Variants in NELL1 observed in about 807,000 individuals in gnomAD.
NELL1 encodes the protein neural EGFL like 1.
In NELL1, 76 loss-of-function variants were observed where a neutral mutation model predicts 107.4. The observed-to-expected ratio is 0.71, with a 90% CI of 0.59 to 0.86. The LOEUF (loss-of-function observed/expected upper bound fraction) is 0.86. Among genes scored for constraint, NELL1 ranks in the 40% least tolerant of loss-of-function variants. The pLI is 0.00. For synonymous variants in NELL1, 353 were observed against 341.2 expected (o/e 1.03, Z -0.38); for missense variants, 1,024 against 1,005.5 (o/e 1.02, Z -0.25).
intron 5 of NELL1, among the ~76,000 whole-genome samples, chr11:20,890,353 C>T (rs1166516785): frequency 1.3e-5 from 2 of 152,056 alleles, no homozygotes; most frequent in African/African-American, 4.8e-5. Flanking sequence ...AAACCCCATC[C>T]AAAGGTCAGC....
chr11:20,675,032 C>T (rs1290737075), intron 1 of NELL1, among the ~76,000 whole-genome samples: 1 of 152,152 alleles, frequency 6.6e-6, no homozygotes, highest in Non-Finnish European at 1.5e-5. Context: ...TTTGGCTGGG[C>T]TTGGTTTCAA....
intron 13 of NELL1, among the ~76,000 whole-genome samples, chr11:21,162,289 T>G (rs1856390332): frequency 6.6e-6 from 1 of 152,166 alleles, no homozygotes; most frequent in African/African-American, 2.4e-5. Context: ...CTCAGCATTT[T>G]TCTTTGTTTT....
At chr11:21,240,456 C>T (rs796659192) in intron 14 of NELL1, among the ~76,000 whole-genome samples, 15 of 151,988 alleles carry the variant, frequency 9.9e-5, no homozygotes, top group Admixed American at 2.0e-4. Context: ...GAGAAGGTTA[C>T]GCTTAAAGGT....
At chr11:21,259,634 C>T (rs929547079) in intron 14 of NELL1, among the ~76,000 whole-genome samples, 3 of 151,770 alleles carry the variant, frequency 2.0e-5, no homozygotes. Context: ...CCATCTAAAA[C>T]ACAAAAGTGA....
intron 11 of NELL1, among the ~76,000 whole-genome samples, chr11:20,954,506 T>G (rs1190080143): frequency 6.6e-6 from 1 of 152,206 alleles, no homozygotes; most frequent in Non-Finnish European, 1.5e-5. Flanking sequence ...CATAGGTGGT[T>G]TATTGCCCCT....
chr11:21,020,453 T>TTGATC (rs1420077902), intron 12 of NELL1, among the ~76,000 whole-genome samples: 1 of 152,118 alleles, frequency 6.6e-6, no homozygotes, highest in Non-Finnish European at 1.5e-5. Flanking sequence ...TGGCACCAGA[T>TTGATC]TGGAATGATT....
intron 16 of NELL1, among the ~76,000 whole-genome samples, chr11:21,548,672 C>T (rs1856501511): frequency 6.6e-6 from 1 of 151,686 alleles, no homozygotes; most frequent in African/African-American, 2.4e-5. Context: ...AGAGCCAAAC[C>T]ATATCAGAGA....
chr11:21,185,293 C>CTTTTT (rs11446941), intron 13 of NELL1, among the ~76,000 whole-genome samples: 4 of 118,496 alleles, frequency 3.4e-5, no homozygotes, highest in Non-Finnish European at 3.3e-5. Context: ...ATTCCAGTAT[C>CTTTTT]TTTTTTTTTT....
At chr11:20,949,211 T>C (rs1307256340) in intron 11 of NELL1, among the ~76,000 whole-genome samples, 1 of 152,214 alleles carries the variant, frequency 6.6e-6, no homozygotes, top group Non-Finnish European at 1.5e-5. Context: ...ATGTTGTATG[T>C]TTCACCATTG....
chr11:21,021,012 A>AAAACACACACAC (rs376987250), intron 12 of NELL1, among the ~76,000 whole-genome samples: 12 of 140,222 alleles, frequency 8.6e-5, no homozygotes, highest in African/African-American at 3.2e-4. Context: ...AGAAACTTAG[A>AAAACACACACAC]ACACACACAC....
At chr11:20,741,821 G>C (rs74776516) in intron 2 of NELL1, among the ~76,000 whole-genome samples, 2 of 152,142 alleles carry the variant, frequency 1.3e-5, no homozygotes, top group Non-Finnish European at 2.9e-5. Context: ...TGATGAATAC[G>C]TAATTCTGTG....
At chr11:21,304,903 G>C (rs1287484991) in intron 14 of NELL1, among the ~76,000 whole-genome samples, 3 of 151,938 alleles carry the variant, frequency 2.0e-5, no homozygotes, top group African/African-American at 7.3e-5. Context: ...TAGGAAGTAA[G>C]GATAGAAAAT....
chr11:21,432,647 G>T (rs931439162), intron 15 of NELL1, among the ~76,000 whole-genome samples: 9 of 152,166 alleles, frequency 5.9e-5, no homozygotes, highest in African/African-American at 2.2e-4. Context: ...GACCTGGGGA[G>T]ATTGGAAGGA....
At chr11:20,726,794 T>A (rs1167359494) in intron 2 of NELL1, among the ~76,000 whole-genome samples, 1 of 150,542 alleles carries the variant, frequency 6.6e-6, no homozygotes, top group East Asian at 2.0e-4. Context: ...CCCTGCCCTG[T>A]GTCCAAGTGT....
chr11:21,522,317 CTG>C (rs1326330008), intron 15 of NELL1, among the ~76,000 whole-genome samples: 1 of 151,512 alleles, frequency 6.6e-6, no homozygotes, highest in East Asian at 1.9e-4. Flanking sequence ...ATCAACCTAA[CTG>C]TGCATCAACA....
intron 13 of NELL1, among the ~76,000 whole-genome samples, chr11:21,225,937 G>C (rs1857881723): frequency 1.3e-5 from 2 of 152,046 alleles, no homozygotes; most frequent in African/African-American, 4.8e-5. Context: ...AGAGAGGTTG[G>C]GTAACTTACT....
intron 13 of NELL1, among the ~76,000 whole-genome samples, chr11:21,159,600 A>G (rs1002272686): frequency 6.6e-6 from 1 of 152,188 alleles, no homozygotes; most frequent in Non-Finnish European, 1.5e-5. Flanking sequence ...CCCAAGAGCT[A>G]AAGATCCTGG....
At chr11:21,169,948 G>A (rs1856567831) in intron 13 of NELL1, 26 of 1,458,430 alleles carry the variant, frequency 1.8e-5, no homozygotes, top group Non-Finnish European at 2.9e-6. Context: ...GCTGGACCAA[G>A]AGCCCTCTCT....
rs1851083267 is a variant in NELL1, at chr11:20,952,206, G to A, written c.1171+4771G>A. Reference sequence around the variant, plus strand: ...CAGCTCTAATTGTATCTTTAATGTTGCCAATGACGTTGGAGGATTTTGCTG... The same window carrying A: ...CAGCTCTAATTGTATCTTTAATGTTACCAATGACGTTGGAGGATTTTGCTG... On this transcript the variant is annotated intron_variant, in intron 11 of 19. Coordinates refer to ENST00000357134, the MANE Select transcript of NELL1 (RefSeq NM_006157.5). Among the ~76,000 whole-genome samples, 2 of 152,070 alleles carry A rather than the reference G, an allele frequency of 1.3e-5. 1 individual carries two copies. Among genetic ancestry groups the A allele is most frequent in the South Asian group, 4.1e-4 (2 of 4,828 alleles).
Sources: gnomAD v4.1 joint callset for allele counts (sites outside exome capture counted in the v4.1 genomes callset) on GRCh38, gnomAD v4.1.1 for gene constraint, MANE v1.5 for transcripts, NCBI Gene and HGNC (gene_info 2026-07-23, HGNC 2026-07-21) for gene names.